CCSER1: variants seen among roughly 807,000 people sequenced by gnomAD.
The protein encoded by CCSER1 is serine-rich coiled-coil domain-containing protein 1.
CCSER1 carries 41 observed loss-of-function variants against 82.0 expected under a neutral mutation model. The observed-to-expected ratio is 0.50, with a 90% confidence interval of 0.39 to 0.65. CCSER1 has a LOEUF of 0.65. Among genes scored for constraint, CCSER1 ranks in the 30% least tolerant of loss-of-function variants. CCSER1 has a pLI of 0.00. For missense variants in CCSER1, 1,119 were observed against 1,064.2 expected (o/e 1.05, Z -0.72); for synonymous variants, 414 against 383.9 (o/e 1.08, Z -0.92).
At chr4:90,607,931 A>G (rs929950788) in intron 5 of CCSER1, among the ~76,000 whole-genome samples, 5 of 152,204 alleles carry the variant, frequency 3.3e-5, no homozygotes, top group Admixed American at 6.5e-5. Context: ...TTTAAGGCAG[A>G]AATAACACAT....
chr4:91,324,753 T>C (rs1578195410), intron 10 of CCSER1, among the ~76,000 whole-genome samples: 1 of 152,262 alleles, frequency 6.6e-6, no homozygotes, highest in African/African-American at 2.4e-5. Flanking sequence ...TTGAGGGCCT[T>C]ACTGAAATCA....
At chr4:91,500,560 G>A (rs1039200191) in intron 10 of CCSER1, among the ~76,000 whole-genome samples, 2 of 151,656 alleles carry the variant, frequency 1.3e-5, no homozygotes, top group Non-Finnish European at 2.9e-5. Flanking sequence ...GTCAATTTTT[G>A]TGAATGTTTC....
intron 10 of CCSER1, among the ~76,000 whole-genome samples, chr4:91,324,308 T>C (rs952416450): frequency 1.3e-5 from 2 of 152,154 alleles, no homozygotes; most frequent in Non-Finnish European, 2.9e-5. Flanking sequence ...GTCTATTTTA[T>C]GGTAATGTAC....
At chr4:90,366,092 C>T (rs1370265275) in intron 3 of CCSER1, among the ~76,000 whole-genome samples, 2 of 151,798 alleles carry the variant, frequency 1.3e-5, no homozygotes, top group African/African-American at 4.8e-5. Context: ...ACCAGTAAAG[C>T]TGTTCAGTAT....
At chr4:91,163,798 A>C (rs758975998) in intron 10 of CCSER1, among the ~76,000 whole-genome samples, 1 of 151,848 alleles carries the variant, frequency 6.6e-6, no homozygotes, top group East Asian at 1.9e-4. Context: ...ATCTTCCTCT[A>C]TCCCTTTATT....
At chr4:91,023,469 A>G (rs1440021784) in intron 9 of CCSER1, among the ~76,000 whole-genome samples, 1 of 152,226 alleles carries the variant, frequency 6.6e-6, no homozygotes, top group African/African-American at 2.4e-5. Flanking sequence ...ATATAGATCA[A>G]TGGGACAGAA....
chr4:90,348,082 A>T (rs62312889), intron 3 of CCSER1, among the ~76,000 whole-genome samples: 2 of 152,118 alleles, frequency 1.3e-5, no homozygotes, highest in East Asian at 1.9e-4. Flanking sequence ...ATATGGACAC[A>T]TGGAGGGGAA....
intron 9 of CCSER1, among the ~76,000 whole-genome samples, chr4:91,042,460 G>A (rs1013539947): frequency 1.3e-5 from 2 of 152,118 alleles, no homozygotes; most frequent in African/African-American, 4.8e-5. Context: ...GACTAATATA[G>A]TTTGCTTTTA....
At chr4:91,006,395 T>A (rs2150490018) in intron 9 of CCSER1, among the ~76,000 whole-genome samples, 1 of 152,246 alleles carries the variant, frequency 6.6e-6, no homozygotes, top group Admixed American at 6.5e-5. Context: ...TTTGATGCAT[T>A]ATTTAGGGAT....
intron 1 of CCSER1, among the ~76,000 whole-genome samples, chr4:90,276,190 C>CTT (rs1290313907): frequency 4.8e-4 from 15 of 31,130 alleles, no homozygotes; most frequent in African/African-American, 1.4e-3. Flanking sequence ...ACACTGTTTT[C>CTT]TTTCTTTCTT....
intron 10 of CCSER1, among the ~76,000 whole-genome samples, chr4:91,125,570 T>G (rs2148898535): frequency 6.6e-6 from 1 of 151,866 alleles, no homozygotes; most frequent in Non-Finnish European, 1.5e-5. Flanking sequence ...CCCTAATGCC[T>G]TTACAAAACA....
At chr4:90,373,560 A>G (rs913308439) in intron 3 of CCSER1, among the ~76,000 whole-genome samples, 6 of 152,196 alleles carry the variant, frequency 3.9e-5, no homozygotes, top group African/African-American at 1.4e-4. Context: ...ATTATTTTTC[A>G]TTTTAATTAG....
chr4:90,167,029 T>C (rs1364330377), intron 1 of CCSER1, among the ~76,000 whole-genome samples: 1 of 152,052 alleles, frequency 6.6e-6, no homozygotes, highest in Admixed American at 6.6e-5. Flanking sequence ...ATCATCTTCT[T>C]ATGTGTATTG....
intron 10 of CCSER1, among the ~76,000 whole-genome samples, chr4:91,207,375 C>T (rs1342294569): frequency 6.6e-6 from 1 of 151,686 alleles, no homozygotes; most frequent in Non-Finnish European, 1.5e-5. Flanking sequence ...ACATCTCCAT[C>T]CTCCTAACTT....
intron 4 of CCSER1, among the ~76,000 whole-genome samples, chr4:90,458,635 G>A (rs373411087): frequency 4.1e-4 from 62 of 152,076 alleles, no homozygotes; most frequent in African/African-American, 1.3e-3. Flanking sequence ...GATTAAAGGC[G>A]TGAGCCACCA....
intron 10 of CCSER1, among the ~76,000 whole-genome samples, chr4:91,510,696 T>C (rs1003803389): frequency 2.1e-4 from 32 of 152,322 alleles, no homozygotes; most frequent in African/African-American, 7.5e-4. Flanking sequence ...ATTGATTTCT[T>C]TAAGTTCCTT....
chr4:91,127,666 T>C (rs1055855572), intron 10 of CCSER1, among the ~76,000 whole-genome samples: 2 of 152,102 alleles, frequency 1.3e-5, no homozygotes, highest in African/African-American at 4.8e-5. Context: ...TTATATTTAT[T>C]TTGCAAAATT....
At chr4:90,529,067 T>C (rs1774153690) in intron 5 of CCSER1, among the ~76,000 whole-genome samples, 1 of 152,126 alleles carries the variant, frequency 6.6e-6, no homozygotes. Flanking sequence ...ATTTGGTAAG[T>C]ATTTTGTATA....
At chr4:91,010,127 T>C (rs934877733) in intron 9 of CCSER1, among the ~76,000 whole-genome samples, 2 of 152,202 alleles carry the variant, frequency 1.3e-5, no homozygotes, top group Non-Finnish European at 2.9e-5. Flanking sequence ...GGAGAAAGAC[T>C]ATTTCTCCTT....
Sources: allele counts gnomAD v4.1 joint callset (sites outside exome capture counted in the v4.1 genomes callset), GRCh38; gene constraint gnomAD v4.1.1; transcripts MANE v1.5; gene names NCBI Gene and HGNC (gene_info 2026-07-23, HGNC 2026-07-21).